The following NEDD9 variants were observed in gnomAD, a reference collection of about 807,000 sequenced individuals.
NEDD9 encodes the protein enhancer of filamentation 1.
Under a neutral mutation model 76.6 loss-of-function variants are expected in NEDD9, and 26 were observed. The ratio of observed to expected loss-of-function variants is 0.34; its 90% CI spans 0.25 to 0.47. The LOEUF is 0.47. Among genes scored for constraint, NEDD9 ranks in the 20% least tolerant of loss-of-function variants. The pLI, the probability that NEDD9 is intolerant of heterozygous loss-of-function variation, is 1.00. For synonymous variants in NEDD9, 392 were observed against 414.2 expected (o/e 0.95, Z 0.65); for missense variants, 937 against 1,058.5 (o/e 0.89, Z 1.59).
In NEDD9 at chr6:11,185,535, T is replaced by A. The variant is rs778276693; in HGVS notation, c.2132A>T (p.Tyr711Phe). The A allele has an allele frequency of 6.2e-7, 1 of 1,614,232 alleles. No individual in the cohort carries two copies. The highest frequency in any genetic ancestry group is 1.1e-5 in the South Asian group (1 of 91,086). The change falls in exon 7 of 7, where the codon TAC becomes TTC. Residue 711 changes from tyrosine (Y) to phenylalanine (F), a missense_variant. Physicochemically the swap from Tyr to Phe is conservative, Grantham distance 22. Transcript: ENST00000379446. ...GAAATGGGTCTCACATTGGTCATAG[T>A]AGAAGCACAGCAACTGCCGATCCTG... ...SAQDRQLLCF[Y>F]YDQCETHFIS... is the part of the protein sequence containing the mutation.
chr6:11,264,855 C>CTGTT (rs748613420), intron 3 of NEDD9, among the ~76,000 whole-genome samples: 18,891 of 143,598 alleles, frequency 0.13, 1,301 homozygotes, highest in Middle Eastern at 0.2. Context: ...TTAAGTTTTT[C>CTGTT]TGTTTGTTTG....
At chr6:11,268,242 T>C (rs185247006) in intron 3 of NEDD9, among the ~76,000 whole-genome samples, 21 of 152,128 alleles carry the variant, frequency 1.4e-4, no homozygotes, top group Non-Finnish European at 2.6e-4. Flanking sequence ...CCATGTTACC[T>C]AGGCTGGTCT....
chr6:11,227,804 A>AGAGGT (rs70991100), intron 1 of NEDD9, among the ~76,000 whole-genome samples: 78,031 of 151,548 alleles, frequency 0.51, 20,424 homozygotes, highest in East Asian at 0.61. Context: ...AGAGTAGGGC[A>AGAGGT]GAGGTGAAAA....
At chr6:11,242,102 A>G (rs1759719910) in intron 3 of NEDD9, among the ~76,000 whole-genome samples, 1 of 152,154 alleles carries the variant, frequency 6.6e-6, no homozygotes, top group Non-Finnish European at 1.5e-5. Flanking sequence ...GGTGGTGATA[A>G]AGACACCAGT....
chr6:11,302,191 C>A (rs1187761006), intron 3 of NEDD9, among the ~76,000 whole-genome samples: 1 of 152,136 alleles, frequency 6.6e-6, no homozygotes, highest in Non-Finnish European at 1.5e-5. Context: ...GATATCACCA[C>A]TGATCCCACA....
chr6:11,316,206 G>A (rs536794347), intron 2 of NEDD9, among the ~76,000 whole-genome samples: 3 of 152,260 alleles, frequency 2.0e-5, no homozygotes, highest in East Asian at 1.9e-4. Context: ...TCATCTCTAC[G>A]CAGACCTTTG....
intron 2 of NEDD9, among the ~76,000 whole-genome samples, chr6:11,207,731 G>C (rs925388465): frequency 3.3e-5 from 5 of 152,192 alleles, no homozygotes; most frequent in African/African-American, 1.2e-4. Context: ...CCATAGGGAA[G>C]GGAGAAACTG....
chr6:11,339,278 C>G (rs1561840691), intron 1 of NEDD9, among the ~76,000 whole-genome samples: 1 of 152,128 alleles, frequency 6.6e-6, no homozygotes, highest in Non-Finnish European at 1.5e-5. Context: ...TTTTTGATGA[C>G]TGCATAGTAT....
At position 11,190,638 on chromosome 6, in the gene NEDD9, C is replaced by G. The variant is rs1210414943; in HGVS notation, c.1231G>C (p.Glu411Gln). ...RLFLDPDTAI[E>Q]RLQRLQQALE... ...GCCTGCTGGAGCCGCTGAAGTCTCTCAATAGCTGTGTCTGGATCCAGGAAG... is the reference window on the plus strand; with the variant it reads ...GCCTGCTGGAGCCGCTGAAGTCTCTGAATAGCTGTGTCTGGATCCAGGAAG... The change falls in exon 5 of 7, where the codon GAG (glutamate) becomes CAG (glutamine). Residue 411 changes from glutamate (E) to glutamine (Q), a missense_variant. Transcript: ENST00000379446. This position sits in a 1 kb window ranked among gnomAD's most constrained non-coding sequence, Gnocchi z 5.8. 6.2e-7 allele frequency: 1 copy of G among 1,614,146 alleles called. No individual in the cohort carries two copies. Among genetic ancestry groups the G allele is most frequent in the Admixed American group, 1.7e-5 (1 of 60,022 alleles).
At chr6:11,214,584 C>T (rs900460130) in intron 1 of NEDD9, among the ~76,000 whole-genome samples, 1 of 152,230 alleles carries the variant, frequency 6.6e-6, no homozygotes, top group Non-Finnish European at 1.5e-5. Context: ...ACATTCAGTA[C>T]TAAGCAGACA....
intron 1 of NEDD9, among the ~76,000 whole-genome samples, chr6:11,228,887 G>C (rs1371135424): frequency 6.6e-6 from 1 of 152,116 alleles, no homozygotes; most frequent in East Asian, 1.9e-4. Flanking sequence ...GGTTTAAAAA[G>C]GAAAAGGACA....
intron 1 of NEDD9, among the ~76,000 whole-genome samples, chr6:11,225,798 GC>G (rs1486252473): frequency 1.5e-5 from 2 of 130,082 alleles, no homozygotes; most frequent in East Asian, 2.3e-4. Context: ...ACCGCGCCCG[GC>G]CTTTTTTTTT....
intron 3 of NEDD9, among the ~76,000 whole-genome samples, chr6:11,286,449 T>G (rs997570963): frequency 6.6e-6 from 1 of 152,220 alleles, no homozygotes; most frequent in East Asian, 1.9e-4. Context: ...GATCATATAA[T>G]CTAGTCATTG....
In NEDD9 at chr6:11,192,371, C is replaced by A; in HGVS notation, c.637G>T (p.Val213Leu). ...CCTTTTGTAGGCGGGATGTCATACA[C>A]CCCTTGAGGTTTTATCTCTCCCACT... is the stretch of plus-strand genomic sequence containing the variant. Reference protein sequence around the residue: ...VPVGEIKPQGVYDIPPTKGVY... With the variant: ...VPVGEIKPQGLYDIPPTKGVY... Residue 213 changes from valine (V) to leucine (L), a missense_variant, in exon 4 of 7, where the codon GTG (valine) becomes TTG (leucine). Transcript: ENST00000379446. 1 of 1,508,832 alleles carries A rather than the reference C, an allele frequency of 6.6e-7. No individual in the cohort carries two copies. Among genetic ancestry groups the A allele is most frequent in the Admixed American group, 1.8e-5 (1 of 54,182 alleles). 93.5% of individuals were successfully genotyped at this position (1,508,832 alleles called of 1,614,324 possible).
At chr6:11,266,841 G>A (rs1760210713) in intron 3 of NEDD9, among the ~76,000 whole-genome samples, 1 of 152,180 alleles carries the variant, frequency 6.6e-6, no homozygotes, top group Admixed American at 6.5e-5. Context: ...CCAGCCAATG[G>A]TCCGGATCAA....
rs772327830 is a variant in NEDD9, at chr6:11,200,139, A to G, written c.460-6447T>C. 8.2e-5 allele frequency: 18 copies of G among 218,464 alleles called. 1 individual carries two copies. Among genetic ancestry groups the G allele is most frequent in the Non-Finnish European group, 1.6e-4 (16 of 102,914 alleles). The allele number at this position is 218,464 out of a possible 1,614,324, so 13.5% of individuals were successfully genotyped here. A position where few individuals can be genotyped will look rare whatever the true frequency, so the allele number is the denominator to read the frequency against. On this transcript the variant is annotated intron_variant, in intron 2 of 6. Coordinates refer to ENST00000379446, the MANE Select transcript of NEDD9 (RefSeq NM_006403.4). ...CCTGGGAGGCTGTGCTGGGTTTTCT[A>G]CAGCTTCTTTGGGTAAGGGGGAACA...
chr6:11,238,724 T>C (rs913068422), intron 3 of NEDD9, among the ~76,000 whole-genome samples: 2 of 152,234 alleles, frequency 1.3e-5, no homozygotes, highest in African/African-American at 4.8e-5. Context: ...TCTGTATCTC[T>C]GGACTCCCGT....
chr6:11,343,911 T>G (rs560844148), intron 1 of NEDD9, among the ~76,000 whole-genome samples: 1 of 152,346 alleles, frequency 6.6e-6, no homozygotes, highest in South Asian at 2.1e-4. Context: ...GTGCTTCATC[T>G]AGGCTCTTGG....
Position 11,193,604 on chromosome 6 carries a change from T to C in NEDD9, c.548A>G (p.His183Arg). Residue 183 changes from histidine (H) to arginine (R), a missense_variant, in exon 3 of 7, where the codon CAT becomes CGT. By Grantham distance (29) the His-to-Arg change is conservative. Transcript: ENST00000379446. ...TCTGGTACGCACCCCTTGAGTGGTATGAGAAGGAGGGATATCATAGACGTC... is the reference window on the plus strand; with the variant it reads ...TCTGGTACGCACCCCTTGAGTGGTACGAGAAGGAGGGATATCATAGACGTC... ...QKDVYDIPPSHTTQGVYDIPP... is the reference protein window; with the variant it reads ...QKDVYDIPPSRTTQGVYDIPP... 1 of 1,612,898 alleles carries C rather than the reference T, an allele frequency of 6.2e-7. No individual in the cohort carries two copies. Among genetic ancestry groups the C allele is most frequent in the Non-Finnish European group, 8.5e-7 (1 of 1,178,896 alleles).
Sources: allele counts gnomAD v4.1 joint callset (sites outside exome capture counted in the v4.1 genomes callset), GRCh38; gene constraint gnomAD v4.1.1; non-coding constraint Gnocchi (gnomAD v3.1); transcripts MANE v1.5; gene names NCBI Gene and HGNC (gene_info 2026-07-23, HGNC 2026-07-21).